Variants in PCDHA4 observed in about 807,000 individuals in gnomAD.
PCDHA4 encodes protocadherin alpha-4.
Under a neutral mutation model 61.4 loss-of-function variants are expected in PCDHA4, and 49 were observed. That is an observed-to-expected ratio of 0.80 (90% CI 0.63 to 1.01). The LOEUF (loss-of-function observed/expected upper bound fraction) is 1.01. PCDHA4 is among the 50% of genes least tolerant of loss of function. PCDHA4 has a pLI of 0.00. For synonymous variants in PCDHA4, 590 were observed against 550.3 expected, an observed-to-expected ratio of 1.07 and a Z score of -1.01; for missense variants, 1,254 against 1,235.8, an observed-to-expected ratio of 1.01 and a Z score of -0.22.
At chr5:140,961,997 C>T (rs1160116142) in intron 1 of PCDHA4, among the ~76,000 whole-genome samples, 1 of 152,080 alleles carries the variant, frequency 6.6e-6, no homozygotes, top group South Asian at 2.1e-4. Context: ...CATTGTCCTG[C>T]CTCAGCTTCC....
chr5:140,845,017 A>T lies in PCDHA4; in HGVS notation c.2385+35445A>T, dbSNP rs1779662524. On this transcript the variant is annotated intron_variant, in intron 1 of 3. Transcript: ENST00000530339. ...TCACTTATGAACAAATAATGTAATC[A>T]TTTATGGGCATATTTTAGCCCCCTT... Among the ~76,000 whole-genome samples, 2 of 149,310 alleles carry T rather than the reference A, an allele frequency of 1.3e-5. 1 individual carries two copies. The highest frequency in any genetic ancestry group is 3.0e-5 in the Non-Finnish European group (2 of 66,738).
chr5:140,815,054 T>G (rs1310495974), intron 1 of PCDHA4: 1 of 152,192 alleles, frequency 6.6e-6, no homozygotes, highest in African/African-American at 2.4e-5. Flanking sequence ...TTAATATCCT[T>G]TAACTTTCAG....
At chr5:140,986,044 G>A (rs1261726247) in intron 3 of PCDHA4, among the ~76,000 whole-genome samples, 4 of 152,078 alleles carry the variant, frequency 2.6e-5, no homozygotes, top group African/African-American at 9.7e-5. Flanking sequence ...TGGCCTCACT[G>A]ATGAATTCTT....
intron 1 of PCDHA4, among the ~76,000 whole-genome samples, chr5:140,904,259 C>T (rs2070990539): frequency 6.6e-6 from 1 of 152,066 alleles, no homozygotes. Context: ...GCTTAGCTCC[C>T]ACTTATGAAT....
At position 140,967,913 on chromosome 5, in the gene PCDHA4, A is replaced by G. The variant is rs548732358; in HGVS notation, c.2386-11036A>G. 3.7e-6 allele frequency: 6 copies of G among 1,614,184 alleles called. No homozygotes were observed. The highest frequency in any genetic ancestry group is 1.3e-5 in the African/African-American group (1 of 75,042). ...GCCTGAGAATGCTACACCCAACACC[A>G]TTGTGGCCGTTCTCAGTGTCAATGA... On this transcript the variant is annotated intron_variant, in intron 1 of 3. Transcript: ENST00000530339.
chr5:140,873,634 G>C (rs1040264226), intron 1 of PCDHA4, among the ~76,000 whole-genome samples: 1 of 152,158 alleles, frequency 6.6e-6, no homozygotes, highest in Non-Finnish European at 1.5e-5. Flanking sequence ...AGGTCAAAGA[G>C]TATGTGAGAA....
intron 1 of PCDHA4, among the ~76,000 whole-genome samples, chr5:140,839,899 GAAGT>G (rs1776458768): frequency 6.6e-6 from 1 of 152,000 alleles, no homozygotes; most frequent in African/African-American, 2.4e-5. Flanking sequence ...AGAAAAAGAT[GAAGT>G]AATAGAAGAA....
At position 140,850,653 on chromosome 5, in the gene PCDHA4, G is replaced by T. The variant is rs1472245010; in HGVS notation, c.2385+41081G>T. The T allele has an allele frequency of 2.5e-6, 4 of 1,598,606 alleles. No homozygotes were observed. The African/African-American group carries it at 4.0e-5, about 16-fold the overall frequency. On this transcript the variant is annotated intron_variant, in intron 1 of 3. Transcript: ENST00000530339. Reference sequence around the variant, plus strand: ...GGTTCTCACGCTGCTGCTGTACACTGTGCTGCGGTGCTCGGCGATGCCCAC... The same window carrying T: ...GGTTCTCACGCTGCTGCTGTACACTTTGCTGCGGTGCTCGGCGATGCCCAC...
At chr5:140,836,558 GC>G (rs1274646840) in intron 1 of PCDHA4, 7 of 1,613,642 alleles carry the variant, frequency 4.3e-6, no homozygotes, top group Non-Finnish European at 5.9e-6. Flanking sequence ...GGTGCTCAGC[GC>G]CGTCCTCTGA....
intron 1 of PCDHA4, chr5:140,835,898 G>A (rs2150247809): frequency 6.2e-7 from 1 of 1,611,962 alleles, no homozygotes; most frequent in African/African-American, 1.3e-5. Flanking sequence ...GCGCGCTGTC[G>A]AGCTACGTGT....
At chr5:140,823,889 C>A (rs2150130096) in intron 1 of PCDHA4, 23 of 1,613,944 alleles carry the variant, frequency 1.4e-5, no homozygotes, top group South Asian at 7.7e-5. Flanking sequence ...GCCATCTGTG[C>A]GGTGTCCAGC....
At chr5:140,867,584 T>G (rs1386448666) in intron 1 of PCDHA4, 4 of 152,130 alleles carry the variant, frequency 2.6e-5, no homozygotes, top group Non-Finnish European at 5.9e-5. Context: ...CTTGCAGTAT[T>G]TTTAGATTGG....
chr5:140,834,485 G>T (rs2150219471), intron 1 of PCDHA4: 3 of 1,614,120 alleles, frequency 1.9e-6, no homozygotes. Flanking sequence ...TCCACTACTC[G>T]GTCCCCGAGG....
intron 1 of PCDHA4, chr5:140,862,653 G>A: frequency 1.8e-6 from 1 of 544,670 alleles, no homozygotes; most frequent in Non-Finnish European, 3.7e-6. Context: ...TGTCCGCGCG[G>A]GACCGGGACG....
chr5:140,849,503 T>A lies in PCDHA4; in HGVS notation c.2385+39931T>A, dbSNP rs2150439338. The A allele has an allele frequency of 1.9e-6, 3 of 1,596,058 alleles. No homozygotes were observed. In the East Asian group the frequency reaches 6.7e-5, roughly 36 times the overall value. On this transcript the variant is annotated intron_variant, in intron 1 of 3. Transcript: ENST00000530339. ...CACCCCTGGCTGGTCATTGTACACT[T>A]CTTGTGGAAGTTGTGGATGTAAATG...
In PCDHA4 at chr5:140,884,393, A is replaced by T. The variant is rs782150859; in HGVS notation, c.2385+74821A>T. 6.8e-6 allele frequency: 11 copies of T among 1,613,878 alleles called. No individual in the cohort carries two copies. In the South Asian group the frequency reaches 1.1e-4, roughly 16 times the overall value. On this transcript the variant is annotated intron_variant, in intron 1 of 3. Transcript: ENST00000530339. Reference sequence around the variant, plus strand: ...GATCATTGCCATCTGCGCGGTGTCCAGCCTGTTGGTGCTCACGTTGCTGCT... The same window carrying T: ...GATCATTGCCATCTGCGCGGTGTCCTGCCTGTTGGTGCTCACGTTGCTGCT...
chr5:140,836,520 C>T (rs1450136766), intron 1 of PCDHA4: 2 of 1,613,738 alleles, frequency 1.2e-6, no homozygotes, highest in Admixed American at 1.7e-5. Context: ...TCTGTTGGTG[C>T]TTACCCTGCT....
chr5:140,996,553 A>G lies in PCDHA4; in HGVS notation c.2534-13074A>G, dbSNP rs868960335. 1.1e-4 allele frequency among the ~76,000 whole-genome samples: 16 copies of G among 152,172 alleles called. No individual in the cohort carries two copies. In the South Asian group the frequency reaches 2.7e-3, roughly 26 times the overall value. On this transcript the variant is annotated intron_variant, in intron 3 of 3. Transcript: ENST00000530339. The stretch of plus-strand genomic sequence containing the variant: ...TGTGTTTTGATATTATGCTGTCACT[A>G]TCTTGAAGTTCTTGATAATTTGTTA...
chr5:140,872,581 C>T (rs1037284236), intron 1 of PCDHA4, among the ~76,000 whole-genome samples: 14 of 152,104 alleles, frequency 9.2e-5, no homozygotes, highest in African/African-American at 3.1e-4. Flanking sequence ...GACCTATCAT[C>T]GTGAGACCCC....
Sources: gnomAD v4.1 joint callset for allele counts (sites outside exome capture counted in the v4.1 genomes callset) on GRCh38, gnomAD v4.1.1 for gene constraint, MANE v1.5 for transcripts, NCBI Gene and HGNC (gene_info 2026-07-23, HGNC 2026-07-21) for gene names.